The following CADM2 variants were observed in gnomAD, a reference collection of about 807,000 sequenced individuals.
The protein encoded by CADM2 is cell adhesion molecule 2, also known as immunoglobulin superfamily member 4D.
In CADM2, 12 loss-of-function variants were observed where a neutral mutation model predicts 49.8. The ratio of observed to expected loss-of-function variants is 0.24; its 90% confidence interval spans 0.15 to 0.39. The LOEUF is 0.39. Ranked by LOEUF, CADM2 falls within the 10% of genes least tolerant of loss-of-function variation. The probability of loss-of-function intolerance (pLI) is 1.00; values close to 1 mark genes in which losing one functional copy is unlikely to be tolerated. For synonymous variants in CADM2, 214 were observed against 175.4 expected, an observed-to-expected ratio of 1.22 and a Z score of -1.74; for missense variants, 378 against 492.3, an observed-to-expected ratio of 0.77 and a Z score of 2.20.
rs191396918 is a variant in CADM2 at position 85,928,289 on chromosome 3, G to A, written c.701-7478G>A. Among the ~76,000 whole-genome samples, 1,375 of 151,954 alleles carry A rather than the reference G, an allele frequency of 9.0e-3. 18 individuals carry two copies. Among genetic ancestry groups the A allele is most frequent in the South Asian group, 0.05 (242 of 4,810 alleles). On this transcript the variant is annotated intron_variant, in intron 6 of 9. Coordinates refer to ENST00000383699, the MANE Select transcript of CADM2 (RefSeq NM_001167675.2). The stretch of plus-strand genomic sequence containing the variant: ...TTCTCCTGCCTCAGCCTCTCGAGTA[G>A]CTGGGATTACAGGCGCATGCCATCA...
intron 2 of CADM2, among the ~76,000 whole-genome samples, chr3:85,752,859 C>A (rs367894980): frequency 6.6e-6 from 1 of 151,826 alleles, no homozygotes; most frequent in Non-Finnish European, 1.5e-5. Context: ...AAATGACAAT[C>A]CAAAAAACAT....
chr3:85,175,990 G>A lies in CADM2; in HGVS notation c.61+216322G>A, dbSNP rs984084358. 4.1e-5 allele frequency among the ~76,000 whole-genome samples: 6 copies of A among 146,044 alleles called. No homozygotes were observed. In the East Asian group the frequency reaches 8.0e-4, roughly 20 times the overall value. Reference sequence around the variant, plus strand: ...GTCGCCCAGGCTGGAGTGCAGTGGCGGGATCTCGGCTCACTGCAAGCTCCG... The same window carrying A: ...GTCGCCCAGGCTGGAGTGCAGTGGCAGGATCTCGGCTCACTGCAAGCTCCG... On this transcript the variant is annotated intron_variant, in intron 1 of 9. Transcript: ENST00000383699.
intron 1 of CADM2, among the ~76,000 whole-genome samples, chr3:85,029,923 ACTT>A (rs1168606054): frequency 1.3e-5 from 2 of 152,124 alleles, no homozygotes; most frequent in African/African-American, 4.8e-5. Flanking sequence ...TTTTAATAGC[ACTT>A]CTTCACCCAC....
At chr3:85,523,544 A>G (rs1198688678) in intron 1 of CADM2, among the ~76,000 whole-genome samples, 1 of 152,096 alleles carries the variant, frequency 6.6e-6, no homozygotes, top group Non-Finnish European at 1.5e-5. Flanking sequence ...AAGGAAAAGG[A>G]TTCCTTTTCC....
intron 3 of CADM2, among the ~76,000 whole-genome samples, chr3:85,807,761 T>C (rs2072544162): frequency 6.6e-6 from 1 of 152,040 alleles, no homozygotes; most frequent in Admixed American, 6.6e-5. Context: ...CAATTCTAGA[T>C]GCTGATTCAC....
chr3:85,703,776 G>A (rs186238398), intron 1 of CADM2, among the ~76,000 whole-genome samples: 92 of 152,254 alleles, frequency 6.0e-4, no homozygotes, highest in African/African-American at 2.1e-3. Context: ...ATAATTCAAT[G>A]TTTTTGTTTG....
chr3:85,480,465 G>T (rs1351149109), intron 1 of CADM2, among the ~76,000 whole-genome samples: 1 of 151,796 alleles, frequency 6.6e-6, no homozygotes, highest in Admixed American at 6.6e-5. Flanking sequence ...CCTCATATTT[G>T]CGTGACTCAG....
At chr3:84,974,138 A>G (rs1310558075) in intron 1 of CADM2, among the ~76,000 whole-genome samples, 1 of 152,032 alleles carries the variant, frequency 6.6e-6, no homozygotes, top group African/African-American at 2.4e-5. Flanking sequence ...AACAGATTGT[A>G]TGGTATTTTT....
chr3:85,758,769 A>G (rs2069237578), intron 2 of CADM2, among the ~76,000 whole-genome samples: 1 of 152,148 alleles, frequency 6.6e-6, no homozygotes, highest in Non-Finnish European at 1.5e-5. Context: ...CACTTGAAGT[A>G]GTTGATCTCA....
At chr3:85,182,027 A>G (rs1452147725) in intron 1 of CADM2, among the ~76,000 whole-genome samples, 6 of 151,086 alleles carry the variant, frequency 4.0e-5, no homozygotes. Flanking sequence ...AATTATGCAT[A>G]TTCAAATATA....
chr3:85,014,094 A>AATTGTATATTATATATACGCAGTGTAAT (rs1559617346), intron 1 of CADM2, among the ~76,000 whole-genome samples: 3 of 139,128 alleles, frequency 2.2e-5, no homozygotes, highest in South Asian at 2.3e-4. Context: ...CGCAGTGTAA[A>AATTGTATATTATATATACGCAGTGTAAT]ATTGTATATT....
chr3:85,751,641 A>G (rs1325969595), intron 2 of CADM2, among the ~76,000 whole-genome samples: 1 of 152,128 alleles, frequency 6.6e-6, no homozygotes, highest in Non-Finnish European at 1.5e-5. Flanking sequence ...ACATTTGTCT[A>G]TGATGCAAAT....
chr3:85,014,033 AAT>A (rs2034131683), intron 1 of CADM2, among the ~76,000 whole-genome samples: 1 of 145,212 alleles, frequency 6.9e-6, no homozygotes, highest in Non-Finnish European at 1.5e-5. Context: ...GCAGTGTAAT[AAT>A]ATTGTATATT....
chr3:85,860,010 A>C (rs2075463681), intron 3 of CADM2, among the ~76,000 whole-genome samples: 1 of 151,878 alleles, frequency 6.6e-6, no homozygotes, highest in African/African-American at 2.4e-5. Flanking sequence ...ACCTATTCTT[A>C]TTTTTGTTAA....
At chr3:85,464,864 C>A (rs1160953965) in intron 1 of CADM2, among the ~76,000 whole-genome samples, 1 of 152,144 alleles carries the variant, frequency 6.6e-6, no homozygotes, top group Non-Finnish European at 1.5e-5. Flanking sequence ...TTAAGACATA[C>A]TTTTGGCCAA....
chr3:85,968,791 T>C (rs1725765046), intron 8 of CADM2, among the ~76,000 whole-genome samples: 1 of 151,650 alleles, frequency 6.6e-6, no homozygotes, highest in South Asian at 2.1e-4. Context: ...GTTACAGATT[T>C]CAAGCAATAT....
chr3:85,497,147 G>A (rs563674086), intron 1 of CADM2, among the ~76,000 whole-genome samples: 1 of 152,258 alleles, frequency 6.6e-6, no homozygotes, highest in South Asian at 2.1e-4. Flanking sequence ...CTTTTGAGAA[G>A]TGTCTGCTCA....
intron 1 of CADM2, among the ~76,000 whole-genome samples, chr3:85,573,545 C>A (rs1267453732): frequency 6.6e-6 from 1 of 152,124 alleles, no homozygotes; most frequent in Non-Finnish European, 1.5e-5. Context: ...TTTCTATTAA[C>A]TACTATCAGT....
In CADM2 at chr3:86,069,899, G is replaced by C. The variant is rs1338887956; in HGVS notation, c.*3116G>C. The C allele has an allele frequency of 6.6e-6, 1 of 151,958 alleles. No individual in the cohort carries two copies. Among genetic ancestry groups the C allele is most frequent in the Non-Finnish European group, 1.5e-5 (1 of 67,884 alleles). 9.4% of individuals were successfully genotyped at this position (151,958 alleles called of 1,614,324 possible). ...TTATTATCAAAAGTAGGAGGAAAAA[G>C]AAATGTTTGTGAGTGCAAGATTAAA... On this transcript the variant is annotated 3_prime_UTR_variant, in exon 10 of 10. Coordinates refer to ENST00000383699, the MANE Select transcript of CADM2 (RefSeq NM_001167675.2).
Sources: allele counts gnomAD v4.1 joint callset (sites outside exome capture counted in the v4.1 genomes callset), GRCh38; gene constraint gnomAD v4.1.1; transcripts MANE v1.5; gene names NCBI Gene and HGNC (gene_info 2026-07-23, HGNC 2026-07-21).